ATXN1: variants seen among roughly 807,000 people sequenced by gnomAD.
ATXN1 encodes the protein ataxin 1.
A neutral mutation model predicts 56.4 loss-of-function variants in ATXN1; 8 were observed. The observed-to-expected ratio is 0.14, with a 90% CI of 0.08 to 0.26. The LOEUF is 0.26. ATXN1 is among the 10% of genes least tolerant of loss of function. The pLI, the probability that ATXN1 is intolerant of heterozygous loss-of-function variation, is 1.00. For missense variants in ATXN1, 987 were observed against 1,106.5 expected (o/e 0.89, Z 1.53); for synonymous variants, 514 against 494.6 (o/e 1.04, Z -0.52).
At chr6:16,349,604 T>C (rs1000198550) in intron 6 of ATXN1, among the ~76,000 whole-genome samples, 1 of 152,214 alleles carries the variant, frequency 6.6e-6, no homozygotes, top group Non-Finnish European at 1.5e-5. Flanking sequence ...GCAAAGATGG[T>C]GAATGGAATA....
intron 5 of ATXN1, among the ~76,000 whole-genome samples, chr6:16,499,807 G>A (rs1760848891): frequency 6.6e-6 from 1 of 152,100 alleles, no homozygotes; most frequent in Admixed American, 6.5e-5. Context: ...GTAGAATTCT[G>A]GCTATCATCA....
intron 6 of ATXN1, among the ~76,000 whole-genome samples, chr6:16,359,605 C>T (rs1405826217): frequency 6.6e-6 from 1 of 152,062 alleles, no homozygotes; most frequent in Non-Finnish European, 1.5e-5. Context: ...CTTTCCAGGG[C>T]CTCCTCTCTG....
At chr6:16,759,759 C>G (rs900866054) in intron 1 of ATXN1, among the ~76,000 whole-genome samples, 1 of 151,940 alleles carries the variant, frequency 6.6e-6, no homozygotes, top group Non-Finnish European at 1.5e-5. Flanking sequence ...CTTCCACCCC[C>G]ACTAAGGTTC....
At chr6:16,555,027 AGC>A (rs1221998473) in intron 4 of ATXN1, among the ~76,000 whole-genome samples, 1 of 152,218 alleles carries the variant, frequency 6.6e-6, no homozygotes, top group Non-Finnish European at 1.5e-5. Context: ...CCTGGGACTG[AGC>A]CATGCTCTAC....
At chr6:16,604,340 A>C (rs983797865) in intron 3 of ATXN1, among the ~76,000 whole-genome samples, 2 of 148,978 alleles carry the variant, frequency 1.3e-5, no homozygotes, top group Admixed American at 1.4e-4. Context: ...AAAAAAAAAA[A>C]ACAAAAATTA....
At chr6:16,320,052 C>T (rs1228985620) in intron 7 of ATXN1, among the ~76,000 whole-genome samples, 2 of 152,126 alleles carry the variant, frequency 1.3e-5, no homozygotes, top group Non-Finnish European at 2.9e-5. Context: ...TAGGATTCAT[C>T]GCCACCAAGC....
chr6:16,539,835 AC>A (rs1232658560), intron 4 of ATXN1, among the ~76,000 whole-genome samples: 2 of 152,164 alleles, frequency 1.3e-5, no homozygotes, highest in Non-Finnish European at 2.9e-5. Flanking sequence ...TCAAGGGGGC[AC>A]CCTGCATGCA....
In ATXN1 at chr6:16,705,310, G is replaced by A. The variant is rs547341746; in HGVS notation, c.-614-47409C>T. The stretch of plus-strand genomic sequence containing the variant: ...ATAAGGATACCTCGTCCTCTGTGAG[G>A]TGACTCAACAGTCACAGACCCAAAC... On this transcript the variant is annotated intron_variant, in intron 2 of 7. Transcript: ENST00000436367. Among the ~76,000 whole-genome samples, 3 of 152,250 alleles carry A rather than the reference G, an allele frequency of 2.0e-5. No individual in the cohort carries two copies. In the South Asian group the frequency reaches 6.2e-4, roughly 32 times the overall value.
intron 6 of ATXN1, among the ~76,000 whole-genome samples, chr6:16,462,653 A>G (rs762228345): frequency 6.6e-6 from 1 of 152,052 alleles, no homozygotes; most frequent in African/African-American, 2.4e-5. Flanking sequence ...TACATTTCCA[A>G]CCTCACCTAT....
intron 2 of ATXN1, among the ~76,000 whole-genome samples, chr6:16,680,667 C>T (rs139431431): frequency 3.2e-4 from 49 of 152,192 alleles, no homozygotes; most frequent in African/African-American, 1.2e-3. Context: ...GAAACAAATA[C>T]AAGTAATGGG....
At chr6:16,671,763 A>T (rs1648487952) in intron 2 of ATXN1, among the ~76,000 whole-genome samples, 1 of 152,238 alleles carries the variant, frequency 6.6e-6, no homozygotes, top group Non-Finnish European at 1.5e-5. Context: ...CAAAATCATT[A>T]TATATTTTGA....
chr6:16,717,813 G>A (rs998079726), intron 2 of ATXN1, among the ~76,000 whole-genome samples: 2 of 152,296 alleles, frequency 1.3e-5, no homozygotes, highest in Middle Eastern at 3.4e-3. Context: ...GGCAGAAGGC[G>A]GCGATCGTAT....
At chr6:16,337,155 G>A (rs1761141634) in intron 6 of ATXN1, among the ~76,000 whole-genome samples, 1 of 152,190 alleles carries the variant, frequency 6.6e-6, no homozygotes, top group Non-Finnish European at 1.5e-5. Flanking sequence ...AAGTGGGGCT[G>A]AGTGATTTGC....
At chr6:16,316,113 A>G (rs902977719) in intron 7 of ATXN1, among the ~76,000 whole-genome samples, 1 of 152,216 alleles carries the variant, frequency 6.6e-6, no homozygotes, top group African/African-American at 2.4e-5. Flanking sequence ...CTCCTGTCAG[A>G]TCAGTCGCAA....
At chr6:16,580,414 G>A (rs555768755) in intron 4 of ATXN1, among the ~76,000 whole-genome samples, 9 of 152,286 alleles carry the variant, frequency 5.9e-5, no homozygotes, top group African/African-American at 1.9e-4. Flanking sequence ...TTTCTACCTC[G>A]AGTTTTGCCC....
rs139770427 is a variant in ATXN1 at position 16,441,013 on chromosome 6, C to T, written c.-161+44959G>A. ...ACGGGCTCCCAAGCTTCCAAAGGTC[C>T]TTACGGCACGGTCAGCAGGGTGGTG... On this transcript the variant is annotated intron_variant, in intron 6 of 7. Transcript: ENST00000436367. Among the ~76,000 whole-genome samples, 341 of 152,250 alleles carry T rather than the reference C, an allele frequency of 2.2e-3. 2 individuals carry two copies. Among genetic ancestry groups the T allele is most frequent in the Middle Eastern group, 6.8e-3 (2 of 294 alleles).
intron 6 of ATXN1, among the ~76,000 whole-genome samples, chr6:16,466,317 CAAAAAAAAAAAAAAAAAA>C (rs200261208): frequency 1.1e-4 from 9 of 79,860 alleles, no homozygotes; most frequent in Admixed American, 3.0e-4. Flanking sequence ...GACCCCATCT[CAAAAAAAAAAAAAAAAAA>C]AAAAAAAAAA....
At chr6:16,442,188 A>C (rs1408769237) in intron 6 of ATXN1, among the ~76,000 whole-genome samples, 1 of 152,216 alleles carries the variant, frequency 6.6e-6, no homozygotes, top group Non-Finnish European at 1.5e-5. Context: ...CACTCAGGAA[A>C]GACAACTAAG....
intron 5 of ATXN1, among the ~76,000 whole-genome samples, chr6:16,495,663 G>C (rs1312610383): frequency 2.0e-5 from 3 of 152,174 alleles, no homozygotes; most frequent in Non-Finnish European, 4.4e-5. Context: ...AGGAGTTCAA[G>C]ACCAGCCTGG....
Sources: allele counts gnomAD v4.1 joint callset (sites outside exome capture counted in the v4.1 genomes callset), GRCh38; gene constraint gnomAD v4.1.1; transcripts MANE v1.5; gene names NCBI Gene and HGNC (gene_info 2026-07-23, HGNC 2026-07-21).